Variants in NSMCE2 observed in about 807,000 individuals in gnomAD.
NSMCE2 encodes E3 SUMO-protein ligase NSE2.
A neutral mutation model predicts 23.8 loss-of-function variants in NSMCE2; 24 were observed. That is an observed-to-expected ratio of 1.01 (90% confidence interval 0.73 to 1.42). The LOEUF (loss-of-function observed/expected upper bound fraction) is 1.42, where lower values mean the gene tolerates loss of function less well. Ranked by LOEUF, NSMCE2 falls within the 40% of genes most tolerant of loss-of-function variation. The pLI is 0.00. For missense variants in NSMCE2, 284 were observed against 296.5 expected (o/e 0.96, Z 0.31); for synonymous variants, 92 against 94.1 (o/e 0.98, Z 0.13).
chr8:125,343,962 C>T (rs527842585), intron 5 of NSMCE2, among the ~76,000 whole-genome samples: 26 of 152,214 alleles, frequency 1.7e-4, no homozygotes, highest in South Asian at 6.2e-4. Flanking sequence ...GCCGAGATCG[C>T]GCCACTGCAC....
intron 5 of NSMCE2, among the ~76,000 whole-genome samples, chr8:125,272,715 T>A (rs955827552): frequency 5.7e-5 from 7 of 122,334 alleles, no homozygotes; most frequent in South Asian, 2.2e-4. Context: ...TATATATATA[T>A]AATATATATA....
chr8:125,276,008 C>T (rs1827435628), intron 5 of NSMCE2, among the ~76,000 whole-genome samples: 1 of 152,158 alleles, frequency 6.6e-6, no homozygotes, highest in Non-Finnish European at 1.5e-5. Flanking sequence ...CCTTCTGTGC[C>T]ATCAGTCAGC....
intron 4 of NSMCE2, among the ~76,000 whole-genome samples, chr8:125,167,395 G>A (rs1367285343): frequency 1.3e-5 from 2 of 152,126 alleles, no homozygotes; most frequent in African/African-American, 4.8e-5. Flanking sequence ...GGCCCGGCAT[G>A]GTGGTTTATG....
intron 5 of NSMCE2, among the ~76,000 whole-genome samples, chr8:125,269,936 G>A (rs922028658): frequency 6.6e-6 from 1 of 152,158 alleles, no homozygotes; most frequent in Non-Finnish European, 1.5e-5. Flanking sequence ...TATTGATTAC[G>A]TATGTACTTT....
Position 125,282,513 on chromosome 8 carries a change from G to A in NSMCE2, c.419-74706G>A, listed in dbSNP as rs915359636. On this transcript the variant is annotated intron_variant, in intron 5 of 7. Coordinates refer to ENST00000287437, the MANE Select transcript of NSMCE2 (RefSeq NM_173685.4). The stretch of plus-strand genomic sequence containing the variant: ...GCAGGCTACATATGGTTGATGCATC[G>A]CATATTTACCTCTGCTCCACTTACT... Among the ~76,000 whole-genome samples the A allele has an allele frequency of 7.2e-5, 11 of 152,272 alleles. 1 individual carries two copies. The highest frequency in any genetic ancestry group is 3.4e-3 in the Middle Eastern group (1 of 294).
chr8:125,277,317 CCT>C, intron 5 of NSMCE2, among the ~76,000 whole-genome samples: 1 of 152,254 alleles, frequency 6.6e-6, no homozygotes, highest in East Asian at 1.9e-4. Flanking sequence ...CCTCAAGTCA[CCT>C]CTCTGAAGTC....
chr8:125,299,790 A>T (rs1479047307), intron 5 of NSMCE2, among the ~76,000 whole-genome samples: 3 of 139,376 alleles, frequency 2.2e-5, no homozygotes, highest in Non-Finnish European at 4.6e-5. Flanking sequence ...CCTTGACCTC[A>T]TAATTTTGGC....
intron 4 of NSMCE2, 76 bp from the exon 5 acceptor site, chr8:125,182,027 A>C: frequency 9.1e-7 from 1 of 1,096,332 alleles, no homozygotes; most frequent in East Asian, 2.4e-5. Flanking sequence ...TATCTGAGAT[A>C]AAAACAATGT....
intron 5 of NSMCE2, among the ~76,000 whole-genome samples, chr8:125,234,768 A>C (rs1365217075): frequency 1.3e-5 from 2 of 152,072 alleles, no homozygotes; most frequent in Non-Finnish European, 2.9e-5. Flanking sequence ...TCTCAATGTA[A>C]ACTTGGAGCT....
At chr8:125,202,324 G>T (rs1823921509) in intron 5 of NSMCE2, among the ~76,000 whole-genome samples, 1 of 152,214 alleles carries the variant, frequency 6.6e-6, no homozygotes, top group Non-Finnish European at 1.5e-5. Context: ...GCAGACCGGA[G>T]CTGTTCCTAT....
chr8:125,177,939 A>C lies in NSMCE2; in HGVS notation c.265-4164A>C, dbSNP rs977631317. On this transcript the variant is annotated intron_variant, in intron 4 of 7. Coordinates refer to ENST00000287437, the MANE Select transcript of NSMCE2 (RefSeq NM_173685.4). ...AGTGATTTGTGCTGCTTTCCTCAAG[A>C]CAATAGCATTTGACTAGCTGTCCAC... Among the ~76,000 whole-genome samples, 4 of 152,246 alleles carry C rather than the reference A, an allele frequency of 2.6e-5. No homozygotes were observed. In the South Asian group the frequency reaches 8.3e-4, roughly 32 times the overall value.
At chr8:125,177,846 CCAGTGCCCT>C (rs907292760) in intron 4 of NSMCE2, among the ~76,000 whole-genome samples, 3 of 152,140 alleles carry the variant, frequency 2.0e-5, no homozygotes, top group Non-Finnish European at 2.9e-5. Context: ...TCTTTTTCTT[CCAGTGCCCT>C]CATTTTAAAT....
intron 5 of NSMCE2, among the ~76,000 whole-genome samples, chr8:125,262,205 C>T (rs2131052653): frequency 6.6e-6 from 1 of 152,170 alleles, no homozygotes; most frequent in Non-Finnish European, 1.5e-5. Context: ...GCAGGTGGAT[C>T]GCAAGGTCAG....
intron 5 of NSMCE2, among the ~76,000 whole-genome samples, chr8:125,257,723 A>C (rs936591289): frequency 1.6e-4 from 24 of 151,598 alleles, no homozygotes; most frequent in African/African-American, 5.6e-4. Context: ...TTTAGTAGAA[A>C]CGGGGTTTCA....
At chr8:125,303,474 CA>C (rs1206763542) in intron 5 of NSMCE2, among the ~76,000 whole-genome samples, 1 of 152,104 alleles carries the variant, frequency 6.6e-6, no homozygotes, top group Non-Finnish European at 1.5e-5. Context: ...AATAAAAGGT[CA>C]GGGGTATCCA....
At chr8:125,153,056 CAAAAAAAAA>C (rs768246218) in intron 4 of NSMCE2, among the ~76,000 whole-genome samples, 2 of 47,456 alleles carry the variant, frequency 4.2e-5, no homozygotes, top group African/African-American at 5.9e-5. Context: ...GACTCCGTCT[CAAAAAAAAA>C]AAAAAAAAAA....
At chr8:125,286,343 C>T (rs1463821250) in intron 5 of NSMCE2, among the ~76,000 whole-genome samples, 1 of 147,756 alleles carries the variant, frequency 6.8e-6, no homozygotes, top group East Asian at 1.9e-4. Context: ...GATGGAGTCT[C>T]GCCCTGTCAC....
In NSMCE2 at chr8:125,273,055, C is replaced by T. The variant is rs551876273; in HGVS notation, c.419-84164C>T. On this transcript the variant is annotated intron_variant, in intron 5 of 7. Transcript: ENST00000287437. ...TGTATGTCAGCCGCCTATCATAGAA[C>T]CTGACAGTTACTGCTTCATAAATGG... 2.0e-5 allele frequency among the ~76,000 whole-genome samples: 3 copies of T among 152,252 alleles called. No homozygotes were observed. In the East Asian group the frequency reaches 5.8e-4, roughly 29 times the overall value.
At chr8:125,358,332 C>CA (rs750366594) in intron 7 of NSMCE2, among the ~76,000 whole-genome samples, 89 of 116,570 alleles carry the variant, frequency 7.6e-4, no homozygotes, top group East Asian at 1.5e-3. Context: ...GACTCTGTCT[C>CA]AAAAAAAAAA....
Sources: allele counts gnomAD v4.1 joint callset (sites outside exome capture counted in the v4.1 genomes callset), GRCh38; gene constraint gnomAD v4.1.1; transcripts MANE v1.5; gene names NCBI Gene and HGNC (gene_info 2026-07-23, HGNC 2026-07-21).